LPP: variants seen among roughly 807,000 people sequenced by gnomAD.
LPP encodes LIM domain containing preferred translocation partner in lipoma, also known as lipoma-preferred partner.
LPP carries 38 observed loss-of-function variants against 60.4 expected under a neutral mutation model. That is an observed-to-expected ratio of 0.63 (90% confidence interval 0.49 to 0.83). LPP has a LOEUF of 0.83. Among genes scored for constraint, LPP ranks in the 40% least tolerant of loss-of-function variants. LPP has a pLI of 0.00. For missense variants in LPP, 902 were observed against 783.6 expected (o/e 1.15, Z -1.80); for synonymous variants, 328 against 290.8 (o/e 1.13, Z -1.30).
At chr3:188,153,505 C>T (rs1460362838), upstream of LPP, 1 of 152,376 alleles carries the variant, frequency 6.6e-6, no homozygotes, top group Non-Finnish European at 1.5e-5. Flanking sequence ...TTTCCATTTT[C>T]CAGGAGCCCC....
chr3:188,390,111 T>G (rs1426325800), intron 3 of LPP, among the ~76,000 whole-genome samples: 1 of 152,200 alleles, frequency 6.6e-6, no homozygotes, highest in Non-Finnish European at 1.5e-5. Flanking sequence ...CGTCATTTTC[T>G]TGGAGCTGTG....
At chr3:188,800,309 G>C (rs886243580) in intron 9 of LPP, among the ~76,000 whole-genome samples, 3 of 146,544 alleles carry the variant, frequency 2.0e-5, no homozygotes, top group South Asian at 4.3e-4. Context: ...GCAGTGGCGC[G>C]ATCTCAGCTC....
chr3:188,582,154 CTTTTT>C (rs10565240), intron 6 of LPP, among the ~76,000 whole-genome samples: 16,153 of 102,320 alleles, frequency 0.16, 1,140 homozygotes, highest in East Asian at 0.37. Context: ...TTTTCTTTTT[CTTTTT>C]TTTTTTTTTT....
At chr3:188,734,791 A>G (rs1181767374) in intron 8 of LPP, among the ~76,000 whole-genome samples, 1 of 152,198 alleles carries the variant, frequency 6.6e-6, no homozygotes, top group East Asian at 1.9e-4. Context: ...CAATGACTTC[A>G]ATGGAAAGGA....
chr3:188,600,161 G>A (rs948185227), intron 6 of LPP, among the ~76,000 whole-genome samples: 1 of 149,230 alleles, frequency 6.7e-6, no homozygotes, highest in South Asian at 2.1e-4. Flanking sequence ...ATATTTTAGA[G>A]TGTGTTTGCT....
intron 2 of LPP, among the ~76,000 whole-genome samples, chr3:188,315,796 C>T (rs1754860158): frequency 6.6e-6 from 1 of 152,168 alleles, no homozygotes; most frequent in South Asian, 2.1e-4. Context: ...TGATTCAGTC[C>T]TGTAACTCTA....
At chr3:188,602,793 A>G (rs1212199805) in intron 6 of LPP, among the ~76,000 whole-genome samples, 4 of 150,918 alleles carry the variant, frequency 2.7e-5, no homozygotes, top group African/African-American at 9.7e-5. Context: ...ATGAAGAGTC[A>G]GTCTAGAGAA....
rs193011172 is a variant in LPP at position 188,445,012 on chromosome 3, A to G, written c.193+38699A>G. Among the ~76,000 whole-genome samples the G allele has an allele frequency of 4.2e-3, 639 of 152,368 alleles. 3 individuals carry two copies. Among genetic ancestry groups the G allele is most frequent in the African/African-American group, 0.014 (592 of 41,590 alleles). On this transcript the variant is annotated intron_variant, in intron 4 of 11. Coordinates refer to ENST00000617246, the MANE Select transcript of LPP (RefSeq NM_001375462.1). ...ACAGATGCTGGAGAGGATGTGGAGA[A>G]ATAAGAATGCTTTTACACTGTTGGT...
rs141076204 is a variant in LPP at position 188,515,274 on chromosome 3, G to A, written c.307-9391G>A. ...CACGAGATCTGGTTGTTTAGAGAGTGTGGTACCTCTCCCCAAGCCTTGTTC... is the reference window on the plus strand; with the variant it reads ...CACGAGATCTGGTTGTTTAGAGAGTATGGTACCTCTCCCCAAGCCTTGTTC... On this transcript the variant is annotated intron_variant, in intron 5 of 11. Transcript: ENST00000617246. Among the ~76,000 whole-genome samples, 704 of 152,160 alleles carry A rather than the reference G, an allele frequency of 4.6e-3. 8 individuals are homozygous for A. Among genetic ancestry groups the A allele is most frequent in the African/African-American group, 0.016 (647 of 41,520 alleles).
chr3:188,596,625 A>C (rs754862317), intron 6 of LPP, among the ~76,000 whole-genome samples: 12 of 152,182 alleles, frequency 7.9e-5, no homozygotes, highest in Non-Finnish European at 1.8e-4. Context: ...GGAAAAAAAA[A>C]ACTGAGCAAA....
At chr3:188,520,399 C>T (rs553155771) in intron 5 of LPP, among the ~76,000 whole-genome samples, 81 of 152,242 alleles carry the variant, frequency 5.3e-4, no homozygotes, top group South Asian at 2.1e-3. Context: ...CTTTCTGTGC[C>T]GGGCCTTCTC....
chr3:188,794,272 C>CT (rs1744681719), intron 9 of LPP, among the ~76,000 whole-genome samples: 1 of 152,198 alleles, frequency 6.6e-6, no homozygotes, highest in Admixed American at 6.5e-5. Context: ...AAGTGAGGCC[C>CT]AGACATGGGC....
chr3:188,850,378 T>A (rs1163030355), intron 9 of LPP, among the ~76,000 whole-genome samples: 1 of 152,230 alleles, frequency 6.6e-6, no homozygotes, highest in Non-Finnish European at 1.5e-5. Context: ...TTGAAATTTA[T>A]CTGACCTGAA....
chr3:188,769,144 A>G (rs1394816072), intron 9 of LPP, among the ~76,000 whole-genome samples: 1 of 152,244 alleles, frequency 6.6e-6, no homozygotes, highest in Admixed American at 6.5e-5. Context: ...CGTATAAATG[A>G]TCTAAGTGAG....
At chr3:188,495,083 T>TATATTTA (rs57578460) in intron 5 of LPP, among the ~76,000 whole-genome samples, 1 of 77,810 alleles carries the variant, frequency 1.3e-5, no homozygotes, top group East Asian at 5.4e-4. Context: ...TATATATATA[T>TATATTTA]TTTATTTATA....
At chr3:188,820,043 G>A (rs1221154329) in intron 9 of LPP, among the ~76,000 whole-genome samples, 2 of 152,148 alleles carry the variant, frequency 1.3e-5, no homozygotes, top group African/African-American at 4.8e-5. Context: ...GCTACACATG[G>A]ATAATCCACA....
At chr3:188,762,123 C>T (rs1452302941) in intron 9 of LPP, among the ~76,000 whole-genome samples, 1 of 152,002 alleles carries the variant, frequency 6.6e-6, no homozygotes, top group Non-Finnish European at 1.5e-5. Context: ...TTGTTTCAAC[C>T]CTTGTTAGCT....
intron 2 of LPP, among the ~76,000 whole-genome samples, chr3:188,235,450 G>A (rs922012594): frequency 1.3e-5 from 2 of 152,004 alleles, no homozygotes; most frequent in African/African-American, 4.8e-5. Flanking sequence ...TTTGTGGTGG[G>A]GATAAAATGT....
chr3:188,477,154 A>G (rs1803452997), intron 4 of LPP, among the ~76,000 whole-genome samples: 1 of 152,216 alleles, frequency 6.6e-6, no homozygotes, highest in South Asian at 2.1e-4. Context: ...TTGGAAGTCA[A>G]CATACTCAGT....
Sources: gnomAD v4.1 joint callset for allele counts (sites outside exome capture counted in the v4.1 genomes callset) on GRCh38, gnomAD v4.1.1 for gene constraint, MANE v1.5 for transcripts, NCBI Gene and HGNC (gene_info 2026-07-23, HGNC 2026-07-21) for gene names.